Variants in NPAS3 observed in about 807,000 individuals in gnomAD.
NPAS3 encodes the protein neuronal PAS domain-containing protein 3.
In NPAS3, 14 loss-of-function variants were observed where a neutral mutation model predicts 73.1. The ratio of observed to expected loss-of-function variants is 0.19; its 90% CI spans 0.13 to 0.30. The LOEUF (loss-of-function observed/expected upper bound fraction) is 0.30, where lower values mean the gene tolerates loss of function less well. NPAS3 is among the 10% of genes least tolerant of loss of function. The probability of loss-of-function intolerance (pLI) is 1.00; values close to 1 mark genes in which losing one functional copy is unlikely to be tolerated. For missense variants in NPAS3, 1,096 were observed against 1,250.0 expected, an observed-to-expected ratio of 0.88 and a Z score of 1.86; for synonymous variants, 620 against 541.5, an observed-to-expected ratio of 1.14 and a Z score of -2.01.
At chr14:33,742,443 A>T (rs1031307234) in intron 7 of NPAS3, among the ~76,000 whole-genome samples, 2 of 152,250 alleles carry the variant, frequency 1.3e-5, no homozygotes, top group Admixed American at 6.5e-5. Flanking sequence ...TTAGGTTTAT[A>T]CTGTAGTCTA....
intron 4 of NPAS3, among the ~76,000 whole-genome samples, chr14:33,430,710 C>T (rs2048749130): frequency 6.6e-6 from 1 of 152,196 alleles, no homozygotes; most frequent in Non-Finnish European, 1.5e-5. Context: ...GTTGTAGATG[C>T]ACATTTGATT....
intron 7 of NPAS3, among the ~76,000 whole-genome samples, chr14:33,745,255 A>C (rs771360990): frequency 2.0e-5 from 3 of 152,176 alleles, no homozygotes; most frequent in Non-Finnish European, 2.9e-5. Flanking sequence ...GAAGAACCAC[A>C]GTATCTGGGA....
At chr14:33,529,995 A>C (rs2053970427) in intron 4 of NPAS3, among the ~76,000 whole-genome samples, 1 of 152,202 alleles carries the variant, frequency 6.6e-6, no homozygotes, top group African/African-American at 2.4e-5. Flanking sequence ...TTCGGTGAAC[A>C]GGCCTTGGAA....
At chr14:33,624,076 C>T (rs1282070482) in intron 5 of NPAS3, among the ~76,000 whole-genome samples, 1 of 152,214 alleles carries the variant, frequency 6.6e-6, no homozygotes, top group Non-Finnish European at 1.5e-5. Context: ...CCCCCAAGCT[C>T]CCTGACACCC....
exon 1 of NPAS3, chr14:32,939,321 C>T (rs2035864973): frequency 7.1e-6 from 5 of 699,878 alleles, no homozygotes; most frequent in African/African-American, 1.9e-5. Flanking sequence ...AGGAAGATGG[C>T]GCCCACCAAG....
At chr14:33,143,213 C>T (rs992465997) in intron 2 of NPAS3, among the ~76,000 whole-genome samples, 2 of 150,146 alleles carry the variant, frequency 1.3e-5, no homozygotes, top group South Asian at 4.2e-4. Context: ...TTATCCTGGC[C>T]GGCTGCGGTG....
At chr14:33,110,353 A>T (rs2042851862) in intron 2 of NPAS3, among the ~76,000 whole-genome samples, 1 of 152,174 alleles carries the variant, frequency 6.6e-6, no homozygotes, top group African/African-American at 2.4e-5. Flanking sequence ...CAGTATTAAA[A>T]AGTTATTTAA....
At chr14:33,409,901 T>C (rs575735631) in intron 4 of NPAS3, among the ~76,000 whole-genome samples, 1 of 152,266 alleles carries the variant, frequency 6.6e-6, no homozygotes, top group South Asian at 2.1e-4. Context: ...GTTGGAGACA[T>C]TGCTAAAACA....
chr14:33,753,891 C>T (rs2062036467), intron 7 of NPAS3, among the ~76,000 whole-genome samples: 1 of 152,164 alleles, frequency 6.6e-6, no homozygotes. Context: ...ATGCCTGAAG[C>T]TTGCCTCCCA....
At chr14:33,093,088 G>A (rs779717482) in intron 2 of NPAS3, among the ~76,000 whole-genome samples, 3 of 152,140 alleles carry the variant, frequency 2.0e-5, no homozygotes, top group Non-Finnish European at 4.4e-5. Context: ...AACACCAAAA[G>A]CAATGGCAGC....
At chr14:33,276,026 A>G (rs2041313053) in intron 3 of NPAS3, among the ~76,000 whole-genome samples, 1 of 152,124 alleles carries the variant, frequency 6.6e-6, no homozygotes, top group Non-Finnish European at 1.5e-5. Flanking sequence ...GGGGTACTCT[A>G]TATTGATACT....
chr14:33,058,461 C>G (rs113284791), intron 2 of NPAS3, among the ~76,000 whole-genome samples: 74 of 152,130 alleles, frequency 4.9e-4, no homozygotes, highest in Non-Finnish European at 7.5e-4. Flanking sequence ...TACTTAATCT[C>G]CTTGGGCCTC....
rs184946601 is a variant in NPAS3 at position 33,689,331 on chromosome 14, T to A, written c.733+12946T>A. ...ACGTCTTATAAGAGTATAATGAGTT[T>A]AATACATACAAAATGCTTAAAACAG... On this transcript the variant is annotated intron_variant, in intron 6 of 11. Coordinates refer to ENST00000356141, the Ensembl canonical transcript of NPAS3. Among the ~76,000 whole-genome samples, 7 of 152,334 alleles carry A rather than the reference T, an allele frequency of 4.6e-5. No homozygotes were observed. The East Asian group carries it at 1.3e-3, about 29-fold the overall frequency.
intron 1 of NPAS3, among the ~76,000 whole-genome samples, chr14:33,041,750 C>T (rs1166329010): frequency 6.6e-6 from 1 of 152,114 alleles, no homozygotes; most frequent in Non-Finnish European, 1.5e-5. Flanking sequence ...CCTCAACACA[C>T]TAAACTTACA....
chr14:33,675,107 C>T (rs1354829069), intron 5 of NPAS3, among the ~76,000 whole-genome samples: 4 of 152,082 alleles, frequency 2.6e-5, no homozygotes, highest in Admixed American at 6.5e-5. Context: ...CTGGCAGCTT[C>T]CATGGTACGT....
intron 1 of NPAS3, among the ~76,000 whole-genome samples, chr14:32,956,029 G>A (rs1028618897): frequency 2.6e-5 from 4 of 151,924 alleles, no homozygotes; most frequent in Non-Finnish European, 5.9e-5. Context: ...ATTAAGCAAG[G>A]AGTAAAGAAA....
At chr14:32,953,425 G>A (rs2036561572) in intron 1 of NPAS3, among the ~76,000 whole-genome samples, 1 of 152,142 alleles carries the variant, frequency 6.6e-6, no homozygotes, top group African/African-American at 2.4e-5. Flanking sequence ...ACTTTCAGTA[G>A]GCCCTGACTG....
chr14:33,503,545 CT>C (rs2052615833), intron 4 of NPAS3, among the ~76,000 whole-genome samples: 1 of 151,780 alleles, frequency 6.6e-6, no homozygotes, highest in East Asian at 1.9e-4. Flanking sequence ...CACAGAGCTT[CT>C]CCAGGCCATA....
chr14:33,125,584 A>G (rs1448825770), intron 2 of NPAS3, among the ~76,000 whole-genome samples: 3 of 152,148 alleles, frequency 2.0e-5, no homozygotes, highest in Non-Finnish European at 4.4e-5. Context: ...TGATGATTCC[A>G]TAGAAATCCT....
Sources: allele counts gnomAD v4.1 joint callset (sites outside exome capture counted in the v4.1 genomes callset), GRCh38; gene constraint gnomAD v4.1.1; transcripts MANE v1.5; gene names NCBI Gene and HGNC (gene_info 2026-07-23, HGNC 2026-07-21).